Variants in PIAS1 observed in about 807,000 individuals in gnomAD.
The protein encoded by PIAS1 is E3 SUMO-protein ligase PIAS1.
A neutral mutation model predicts 71.3 loss-of-function variants in PIAS1; 6 were observed. The ratio of observed to expected loss-of-function variants is 0.08; its 90% CI spans 0.05 to 0.17. PIAS1 has a LOEUF of 0.17. Among genes scored for constraint, PIAS1 ranks in the 10% least tolerant of loss-of-function variants. The pLI is 1.00. For missense variants in PIAS1, 555 were observed against 793.6 expected (o/e 0.70, Z 3.61); for synonymous variants, 303 against 292.9 (o/e 1.03, Z -0.35).
Position 68,173,922 on chromosome 15 carries a change from T to C in PIAS1, c.1169+30T>C. ...GTTACTTTAAGTGTTTTTGGTACCTTGAAATGACCATATATTATCTGGGTT... is the reference window on the plus strand; with the variant it reads ...GTTACTTTAAGTGTTTTTGGTACCTCGAAATGACCATATATTATCTGGGTT... On this transcript the variant is annotated intron_variant, in intron 9 of 13. Transcript: ENST00000249636. This position sits in a 1 kb window ranked among gnomAD's most constrained non-coding sequence, Gnocchi z 4.3. 1 of 1,375,018 alleles carries C rather than the reference T, an allele frequency of 7.3e-7. No individual in the cohort carries two copies. Among genetic ancestry groups the C allele is most frequent in the African/African-American group, 1.4e-5 (1 of 69,068 alleles). 85.2% of individuals were successfully genotyped at this position (1,375,018 alleles called of 1,614,324 possible). A position where few individuals can be genotyped will look rare whatever the true frequency, so the allele number is the denominator to read the frequency against.
chr15:68,061,765 C>T (rs1214879987), intron 1 of PIAS1, among the ~76,000 whole-genome samples: 2 of 152,176 alleles, frequency 1.3e-5, no homozygotes, highest in African/African-American at 2.4e-5. Flanking sequence ...GGCTTTCTAT[C>T]GAAAACTGGA....
chr15:68,140,672 G>C (rs951860540), intron 2 of PIAS1, among the ~76,000 whole-genome samples: 14 of 152,138 alleles, frequency 9.2e-5, no homozygotes, highest in Non-Finnish European at 1.6e-4. Flanking sequence ...GATACGTTTG[G>C]TATCGACTTT....
chr15:68,111,791 A>G (rs2092525004), intron 2 of PIAS1, among the ~76,000 whole-genome samples: 1 of 152,160 alleles, frequency 6.6e-6, no homozygotes, highest in South Asian at 2.1e-4. Context: ...AAAATGAATA[A>G]ACTAAGGGGG....
intron 2 of PIAS1, among the ~76,000 whole-genome samples, chr15:68,102,365 C>T (rs145588611): frequency 2.0e-5 from 3 of 152,182 alleles, no homozygotes; most frequent in Non-Finnish European, 2.9e-5. Flanking sequence ...CTATGTCAGA[C>T]TATGTAATAA....
chr15:68,142,247 A>G (rs2092775770), intron 3 of PIAS1, 43 bp from the exon 4 acceptor site: 6 of 1,521,790 alleles, frequency 3.9e-6, no homozygotes, highest in Non-Finnish European at 5.4e-6. Context: ...CTTTCATGCA[A>G]ATACTTTAAA....
At chr15:68,151,981 G>A (rs1253726931) in intron 6 of PIAS1, among the ~76,000 whole-genome samples, 1 of 79,290 alleles carries the variant, frequency 1.3e-5, no homozygotes, top group African/African-American at 5.5e-5. Flanking sequence ...ACAGAGTCTT[G>A]CTCTGTCACC....
At chr15:68,099,591 T>C (rs1416915463) in intron 2 of PIAS1, among the ~76,000 whole-genome samples, 1 of 152,022 alleles carries the variant, frequency 6.6e-6, no homozygotes, top group Non-Finnish European at 1.5e-5. Flanking sequence ...CAGGTGCTTG[T>C]ATGGACATAA....
At position 68,187,865 on chromosome 15, in the gene PIAS1, C is replaced by T; in HGVS notation, c.*30C>T. 1 of 1,592,904 alleles carries T rather than the reference C, an allele frequency of 6.3e-7. No homozygotes were observed. Among genetic ancestry groups the T allele is most frequent in the Non-Finnish European group, 8.6e-7 (1 of 1,165,594 alleles). On this transcript the variant is annotated 3_prime_UTR_variant, in exon 14 of 14. Transcript: ENST00000249636. The surrounding 1 kb of genome is among the most constrained non-coding windows in gnomAD (Gnocchi z 5.3). ...CAGGCCCTGCTGCTCCCATCCCCAC[C>T]CCAGATCGAATGAACTTGGCAGAAA...
chr15:68,102,903 T>C (rs1352893112), intron 2 of PIAS1, among the ~76,000 whole-genome samples: 2 of 152,076 alleles, frequency 1.3e-5, no homozygotes, highest in Non-Finnish European at 2.9e-5. Flanking sequence ...ATAATAGTGG[T>C]GACAGTGAAC....
In PIAS1 at chr15:68,097,555, C is replaced by G. The variant is rs186396353; in HGVS notation, c.469+10805C>G. Among the ~76,000 whole-genome samples the G allele has an allele frequency of 6.2e-3, 947 of 152,230 alleles. 5 individuals are homozygous for G. The highest frequency in any genetic ancestry group is 0.02 in the Middle Eastern group (6 of 294). On this transcript the variant is annotated intron_variant, in intron 2 of 13. Transcript: ENST00000249636. Reference sequence around the variant, plus strand: ...TCAAGTGATTCTTCTGCCTCAGCCTCCCAAGTAGCTGGGACTACAGGCACG... The same window carrying G: ...TCAAGTGATTCTTCTGCCTCAGCCTGCCAAGTAGCTGGGACTACAGGCACG...
At position 68,193,415 on chromosome 15, in the gene PIAS1, A is replaced by T. The variant is rs150572646; in HGVS notation, c.*5580A>T. 1 of 152,724 alleles carries T rather than the reference A, an allele frequency of 6.5e-6. No homozygotes were observed. Among genetic ancestry groups the T allele is most frequent in the Non-Finnish European group, 1.5e-5 (1 of 68,422 alleles). The allele number at this position is 152,724 out of a possible 1,614,324, so 9.5% of individuals were successfully genotyped here. ...AATGAATAGCCTGAGCTATGTCACT[A>T]TATCTGTTGAGATGGAAATGAGAAT... On this transcript the variant is annotated 3_prime_UTR_variant, in exon 14 of 14. Coordinates refer to ENST00000249636, the MANE Select transcript of PIAS1 (RefSeq NM_016166.3).
At chr15:68,060,829 A>G (rs8028116) in intron 1 of PIAS1, among the ~76,000 whole-genome samples, 103 of 152,296 alleles carry the variant, frequency 6.8e-4, no homozygotes, top group African/African-American at 2.5e-3. Context: ...GATTACAGGC[A>G]TGCGCCACTG....
chr15:68,100,921 GGTCTC>G (rs2092418645), intron 2 of PIAS1, among the ~76,000 whole-genome samples: 1 of 150,652 alleles, frequency 6.6e-6, no homozygotes, highest in Admixed American at 6.6e-5. Context: ...TTTGAGATAA[GGTCTC>G]GCTCTGTCAC....
intron 2 of PIAS1, among the ~76,000 whole-genome samples, chr15:68,115,648 G>C (rs79443209): frequency 0.031 from 4,658 of 152,090 alleles, 166 homozygotes; most frequent in African/African-American, 0.086. Context: ...ATTCTTTCAC[G>C]TCTCAGTAAA....
chr15:68,110,960 C>T (rs1287447601), intron 2 of PIAS1, among the ~76,000 whole-genome samples: 1 of 152,158 alleles, frequency 6.6e-6, no homozygotes. Flanking sequence ...CAGTATCAGA[C>T]AGTTATGATA....
chr15:68,092,019 A>C (rs895543962), intron 2 of PIAS1, among the ~76,000 whole-genome samples: 3 of 152,162 alleles, frequency 2.0e-5, no homozygotes, highest in Admixed American at 6.5e-5. Context: ...TATGAGATTG[A>C]AGTCAAATTT....
At chr15:68,091,141 G>T (rs1187998374) in intron 2 of PIAS1, among the ~76,000 whole-genome samples, 1 of 151,808 alleles carries the variant, frequency 6.6e-6, no homozygotes, top group African/African-American at 2.4e-5. Context: ...TGCCAATATT[G>T]GTGTTGATGA....
At chr15:68,184,121 C>A (rs1661299540) in intron 13 of PIAS1, 1 of 152,570 alleles carries the variant, frequency 6.6e-6, no homozygotes, top group African/African-American at 2.4e-5. Flanking sequence ...TGATGAAAAT[C>A]TTGTCTTGTT....
In PIAS1 at chr15:68,174,263, G is replaced by T. The variant is rs1437184132; in HGVS notation, c.1169+371G>T. On this transcript the variant is annotated intron_variant, in intron 9 of 13. Coordinates refer to ENST00000249636, the MANE Select transcript of PIAS1 (RefSeq NM_016166.3). The surrounding 1 kb of genome is among the most constrained non-coding windows in gnomAD (Gnocchi z 4.0). ...GTATGGGGAAATTTGGGTTAACTCA[G>T]GTTCATCCAAAATTGGGCTTTTCAA... 6.6e-6 allele frequency among the ~76,000 whole-genome samples: 1 copy of T among 152,170 alleles called. No individual in the cohort carries two copies. The highest frequency in any genetic ancestry group is 2.4e-5 in the African/African-American group (1 of 41,440).
Sources: allele counts gnomAD v4.1 joint callset (sites outside exome capture counted in the v4.1 genomes callset), GRCh38; gene constraint gnomAD v4.1.1; non-coding constraint Gnocchi (gnomAD v3.1); transcripts MANE v1.5; gene names NCBI Gene and HGNC (gene_info 2026-07-23, HGNC 2026-07-21).